NIPAL2: variants seen among roughly 807,000 people sequenced by gnomAD.
NIPAL2 encodes NIPA like domain containing 2.
In NIPAL2, 43 loss-of-function variants were observed where a neutral mutation model predicts 48.9. The observed-to-expected ratio is 0.88, with a 90% CI of 0.69 to 1.13. NIPAL2 has a LOEUF of 1.13. Among genes scored for constraint, NIPAL2 ranks in the 50% most tolerant of loss-of-function variants. The pLI is 0.00. For synonymous variants in NIPAL2, 167 were observed against 174.6 expected, an observed-to-expected ratio of 0.96 and a Z score of 0.34; for missense variants, 446 against 461.4, an observed-to-expected ratio of 0.97 and a Z score of 0.31.
At chr8:98,288,363 C>G (rs544129741) in intron 1 of NIPAL2, among the ~76,000 whole-genome samples, 2 of 150,600 alleles carry the variant, frequency 1.3e-5, no homozygotes, top group East Asian at 3.9e-4. Context: ...CTACAAAGGA[C>G]ATGAACTCAT....
chr8:98,218,439 G>C (rs1436675105), intron 5 of NIPAL2, among the ~76,000 whole-genome samples: 2 of 152,162 alleles, frequency 1.3e-5, no homozygotes, highest in Non-Finnish European at 2.9e-5. Flanking sequence ...GGGGCAGAGG[G>C]GTTGGCACAA....
At chr8:98,206,350 T>A (rs1811035486) in intron 6 of NIPAL2, among the ~76,000 whole-genome samples, 1 of 147,306 alleles carries the variant, frequency 6.8e-6, no homozygotes, top group African/African-American at 2.5e-5. Context: ...ATGTATGTAT[T>A]TGAAATATAT....
intron 6 of NIPAL2, among the ~76,000 whole-genome samples, chr8:98,210,048 T>C (rs13263648): frequency 0.12 from 18,229 of 152,084 alleles, 1,295 homozygotes; most frequent in Middle Eastern, 0.16. Context: ...TCTTTTTTTC[T>C]GATGGAGGAT....
In NIPAL2 at chr8:98,190,520, A is replaced by T. The variant is rs1469683424; in HGVS notation, c.*2458T>A. On this transcript the variant is annotated 3_prime_UTR_variant, in exon 11 of 11. Coordinates refer to ENST00000430223, the MANE Select transcript of NIPAL2 (RefSeq NM_001321635.2). ...GTACTTTTAGTAGAGATGGGGTTTC[A>T]CTATGTTGACCAGGCTGGTCCCAAA... 6.6e-6 allele frequency: 1 copy of T among 152,114 alleles called. No individual in the cohort carries two copies. Among genetic ancestry groups the T allele is most frequent in the Non-Finnish European group, 1.5e-5 (1 of 68,056 alleles). 9.4% of individuals were successfully genotyped at this position (152,114 alleles called of 1,614,324 possible).
chr8:98,229,593 G>A (rs1374792320), intron 4 of NIPAL2, among the ~76,000 whole-genome samples: 1 of 152,096 alleles, frequency 6.6e-6, no homozygotes, highest in Non-Finnish European at 1.5e-5. Context: ...GTCCAGGCTG[G>A]TCTCGAACTC....
At chr8:98,231,727 AT>A in intron 4 of NIPAL2, 1 of 152,320 alleles carries the variant, frequency 6.6e-6, no homozygotes, top group Non-Finnish European at 1.5e-5. Context: ...TTGTGAGGTC[AT>A]TTTTTGAGAC....
At chr8:98,276,530 T>C (rs181552442) in intron 1 of NIPAL2, among the ~76,000 whole-genome samples, 27 of 152,292 alleles carry the variant, frequency 1.8e-4, no homozygotes, top group Admixed American at 1.1e-3. Flanking sequence ...TAAACATCCA[T>C]GTGCAGGCTT....
At chr8:98,271,991 T>A (rs563537296) in intron 1 of NIPAL2, among the ~76,000 whole-genome samples, 1 of 152,264 alleles carries the variant, frequency 6.6e-6, no homozygotes, top group Admixed American at 6.5e-5. Context: ...ATGTGGTGAA[T>A]CACATTTACT....
intron 1 of NIPAL2, among the ~76,000 whole-genome samples, chr8:98,279,737 C>T (rs1415280425): frequency 1.3e-5 from 2 of 152,164 alleles, no homozygotes; most frequent in Admixed American, 6.5e-5. Context: ...GTTTCTTTTT[C>T]TCAATACAAA....
At chr8:98,248,097 A>G (rs1813398815) in intron 3 of NIPAL2, among the ~76,000 whole-genome samples, 1 of 152,194 alleles carries the variant, frequency 6.6e-6, no homozygotes, top group Non-Finnish European at 1.5e-5. Flanking sequence ...TCGTGTTGGT[A>G]GGTTATTTGG....
intron 3 of NIPAL2, among the ~76,000 whole-genome samples, chr8:98,243,870 T>A (rs79678948): frequency 0.03 from 4,629 of 152,334 alleles, 91 homozygotes; most frequent in Non-Finnish European, 0.05. Flanking sequence ...GTGTGCTTTT[T>A]ATTTAAACTC....
In NIPAL2 at chr8:98,194,947, G is replaced by A. The variant is rs939983032; in HGVS notation, c.945-125C>T. On this transcript the variant is annotated intron_variant, in intron 9 of 10. Coordinates refer to ENST00000430223, the MANE Select transcript of NIPAL2 (RefSeq NM_001321635.2). ...TGGTTTTGTTCTTCCAGTTTCTCAT[G>A]GTAAGCTTCCTAGTACTTGTCTTAA... The A allele has an allele frequency of 5.8e-6, 3 of 515,968 alleles. No homozygotes were observed. The Admixed American group carries it at 1.2e-4, about 21-fold the overall frequency. The allele number at this position is 515,968 out of a possible 1,614,324, so 32.0% of individuals were successfully genotyped here. A position where few individuals can be genotyped will look rare whatever the true frequency, so the allele number is the denominator to read the frequency against.
At chr8:98,210,582 A>G (rs1024317323) in intron 6 of NIPAL2, among the ~76,000 whole-genome samples, 4 of 152,124 alleles carry the variant, frequency 2.6e-5, no homozygotes, top group Non-Finnish European at 4.4e-5. Context: ...TGTTTTCAGG[A>G]TTTAGAGTTC....
chr8:98,290,003 C>T (rs1318767205), intron 1 of NIPAL2, among the ~76,000 whole-genome samples: 1 of 152,146 alleles, frequency 6.6e-6, no homozygotes, highest in Admixed American at 6.5e-5. Context: ...GGACTCTTAC[C>T]ACATTGTTTT....
At chr8:98,290,295 C>A (rs1016056516) in intron 1 of NIPAL2, among the ~76,000 whole-genome samples, 5 of 152,132 alleles carry the variant, frequency 3.3e-5, no homozygotes, top group African/African-American at 1.2e-4. Flanking sequence ...AAAATCCAAG[C>A]CATTGAAAAT....
rs963643032 is a variant in NIPAL2 at position 98,190,475 on chromosome 8, G to T, written c.*2503C>A. ...GTAGCTGGGACTCCAGGCACCCACCGTCATGCCTGGCTAATTTTTGTACTT... is the reference window on the plus strand; with the variant it reads ...GTAGCTGGGACTCCAGGCACCCACCTTCATGCCTGGCTAATTTTTGTACTT... On this transcript the variant is annotated 3_prime_UTR_variant, in exon 11 of 11. Coordinates refer to ENST00000430223, the MANE Select transcript of NIPAL2 (RefSeq NM_001321635.2). 2 of 152,278 alleles carry T rather than the reference G, an allele frequency of 1.3e-5. No homozygotes were observed. Among genetic ancestry groups the T allele is most frequent in the Admixed American group, 6.5e-5 (1 of 15,270 alleles). 9.4% of individuals were successfully genotyped at this position (152,278 alleles called of 1,614,324 possible).
intron 5 of NIPAL2, chr8:98,217,350 A>AGTGT: frequency 9.9e-6 from 2 of 201,558 alleles, no homozygotes; most frequent in Non-Finnish European, 6.8e-6. Context: ...CACTATTATG[A>AGTGT]TTCCTTTTGT....
intron 6 of NIPAL2, among the ~76,000 whole-genome samples, chr8:98,205,981 C>T (rs994961949): frequency 1.3e-5 from 2 of 152,156 alleles, no homozygotes; most frequent in Admixed American, 6.5e-5. Flanking sequence ...ACAAACTTTT[C>T]GTAGGTTCCA....
At chr8:98,273,810 T>C (rs1277572453) in intron 1 of NIPAL2, among the ~76,000 whole-genome samples, 2 of 152,098 alleles carry the variant, frequency 1.3e-5, no homozygotes, top group Non-Finnish European at 2.9e-5. Flanking sequence ...TCTAATAATA[T>C]ATGAAAGTAC....
Sources: gnomAD v4.1 joint callset for allele counts (sites outside exome capture counted in the v4.1 genomes callset) on GRCh38, gnomAD v4.1.1 for gene constraint, MANE v1.5 for transcripts, NCBI Gene and HGNC (gene_info 2026-07-23, HGNC 2026-07-21) for gene names.